The following RBAK variants were observed in gnomAD, a reference collection of about 807,000 sequenced individuals.
RBAK encodes RB-associated KRAB zinc finger protein.
A neutral mutation model predicts 65.8 loss-of-function variants in RBAK; 39 were observed. The observed-to-expected ratio is 0.59, with a 90% CI of 0.46 to 0.77. RBAK has a LOEUF of 0.77. RBAK is among the 30% of genes least tolerant of loss of function. RBAK has a pLI of 0.00. For synonymous variants in RBAK, 343 were observed against 289.7 expected, an observed-to-expected ratio of 1.18 and a Z score of -1.87; for missense variants, 884 against 855.1, an observed-to-expected ratio of 1.03 and a Z score of -0.42.
chr7:5,059,818 G>C (rs960763183), intron 4 of RBAK, among the ~76,000 whole-genome samples: 2 of 152,090 alleles, frequency 1.3e-5, no homozygotes, highest in South Asian at 4.1e-4. Flanking sequence ...TAAGCTCTAA[G>C]ATTGTGTGCT....
At chr7:5,053,401 T>G (rs949925343) in intron 2 of RBAK, among the ~76,000 whole-genome samples, 3 of 152,220 alleles carry the variant, frequency 2.0e-5, no homozygotes, top group Non-Finnish European at 4.4e-5. Context: ...CTTTCCCCCC[T>G]TATGTTGTAA....
At chr7:5,059,736 T>C (rs6959836) in intron 4 of RBAK, among the ~76,000 whole-genome samples, 20,390 of 152,164 alleles carry the variant, frequency 0.13, 1,757 homozygotes, top group African/African-American at 0.24. Context: ...AAGTTAGATA[T>C]GATTTTACAG....
At position 5,064,699 on chromosome 7, in the gene RBAK, A is replaced by G; in HGVS notation, c.1243A>G (p.Thr415Ala). ...ECGKSYYRKS[T>A]LITHQRTHTG... ...TGGGAAATCCTACTACCGAAAGTCT[A>G]CTCTGATTACACATCAGAGAACACA... Residue 415 changes from threonine (T) to alanine (A), a missense_variant, in exon 5 of 5, where the codon ACT becomes GCT. Coordinates refer to ENST00000396912, the MANE Select transcript of RBAK (RefSeq NM_021163.4). The surrounding 1 kb of genome is among the most constrained non-coding windows in gnomAD (Gnocchi z 6.3). 1 of 1,611,888 alleles carries G rather than the reference A, an allele frequency of 6.2e-7. No individual in the cohort carries two copies. Among genetic ancestry groups the G allele is most frequent in the South Asian group, 1.1e-5 (1 of 90,920 alleles).
chr7:5,057,407 A>G lies in RBAK; in HGVS notation c.128A>G (p.His43Arg), dbSNP rs749459191. The G allele has an allele frequency of 6.2e-7, 1 of 1,614,140 alleles. No homozygotes were observed. Among genetic ancestry groups the G allele is most frequent in the Non-Finnish European group, 8.5e-7 (1 of 1,180,022 alleles). ...YRDVMLENYS[H>R]LVSVGYDTTK... is the part of the protein sequence containing the mutation. ...GATGTGATGTTGGAGAACTATAGCC[A>G]TCTAGTTTCTGTGGGTGAGAATAGC... Residue 43 changes from histidine to arginine, a missense_variant, in exon 3 of 5, where the codon CAT becomes CGT. Physicochemically the swap from His to Arg is conservative, Grantham distance 29. Transcript: ENST00000396912.
chr7:5,050,799 C>G (rs1040468919), intron 2 of RBAK, among the ~76,000 whole-genome samples: 1 of 152,114 alleles, frequency 6.6e-6, no homozygotes, highest in African/African-American at 2.4e-5. Context: ...GTCTTGAACT[C>G]CTGGGCTCAA....
chr7:5,063,195 A>G (rs745510392), intron 4 of RBAK, among the ~76,000 whole-genome samples: 28 of 152,226 alleles, frequency 1.8e-4, no homozygotes, highest in Non-Finnish European at 3.8e-4. Context: ...TTGGGGAACT[A>G]ATAAATGTCC....
chr7:5,068,974 T>C lies in RBAK; in HGVS notation c.*3373T>C, dbSNP rs1779287626. On this transcript the variant is annotated 3_prime_UTR_variant, in exon 5 of 5. Transcript: ENST00000396912. ...ATAAATTATAAAGACGGGCAAAACTTGTATACGTGGTTTAAAATTAGGGTA... is the reference window on the plus strand; with the variant it reads ...ATAAATTATAAAGACGGGCAAAACTCGTATACGTGGTTTAAAATTAGGGTA... 2 of 152,168 alleles carry C rather than the reference T, an allele frequency of 1.3e-5. 1 individual carries two copies. Among genetic ancestry groups the C allele is most frequent in the Admixed American group, 1.3e-4 (2 of 15,274 alleles). 9.4% of individuals were successfully genotyped at this position (152,168 alleles called of 1,614,324 possible).
At chr7:5,050,268 G>A (rs546561607) in intron 2 of RBAK, among the ~76,000 whole-genome samples, 149 of 152,316 alleles carry the variant, frequency 9.8e-4, no homozygotes, top group African/African-American at 3.4e-3. Flanking sequence ...AAGAAACTGG[G>A]TTGGTTATCC....
In RBAK at chr7:5,064,564, G is replaced by A; in HGVS notation, c.1108G>A (p.Glu370Lys). The A allele has an allele frequency of 3.7e-6, 6 of 1,614,066 alleles. No homozygotes were observed. Among genetic ancestry groups the A allele is most frequent in the Non-Finnish European group, 5.1e-6 (6 of 1,179,960 alleles). Residue 370 changes from glutamate to lysine, a missense_variant, in exon 5 of 5, where the codon GAG (glutamate) becomes AAG (lysine). Glu to Lys is a moderately conservative substitution (Grantham distance 56). Transcript: ENST00000396912. The surrounding 1 kb of genome is among the most constrained non-coding windows in gnomAD (Gnocchi z 6.3). ...CCTGCACCAGAGGAATCATTCAGGA[G>A]AGAGGCCCTATCCATGTAACGAATG... Reference protein sequence around the residue: ...LTLHQRNHSGERPYPCNECGK... With the variant: ...LTLHQRNHSGKRPYPCNECGK...
chr7:5,057,406 C>T lies in RBAK; in HGVS notation c.127C>T (p.His43Tyr). 2 of 1,614,060 alleles carry T rather than the reference C, an allele frequency of 1.2e-6. No homozygotes were observed. The highest frequency in any genetic ancestry group is 1.7e-6 in the Non-Finnish European group (2 of 1,180,020). The change falls in exon 3 of 5, where the codon CAT (histidine) becomes TAT (tyrosine). Residue 43 changes from histidine (H) to tyrosine (Y), a missense_variant. Transcript: ENST00000396912. ...GGATGTGATGTTGGAGAACTATAGC[C>T]ATCTAGTTTCTGTGGGTGAGAATAG... ...YRDVMLENYS[H>Y]LVSVGYDTTK...
chr7:5,055,772 A>G (rs1055220338), intron 2 of RBAK, among the ~76,000 whole-genome samples: 2 of 151,558 alleles, frequency 1.3e-5, no homozygotes, highest in African/African-American at 4.9e-5. Context: ...AACTTAACCC[A>G]GAAGGTTATT....
chr7:5,057,271 A>G (rs371241553), intron 2 of RBAK, 24 bp from the exon 3 acceptor site: 43 of 1,613,906 alleles, frequency 2.7e-5, no homozygotes, highest in Non-Finnish European at 3.0e-5. Context: ...GTATCTCCCA[A>G]TTCTGATCAT....
rs1426382963 is a variant in RBAK at position 5,068,626 on chromosome 7, C to A, written c.*3025C>A. The A allele has an allele frequency of 1.3e-5, 2 of 152,200 alleles. 1 individual carries two copies. Among genetic ancestry groups the A allele is most frequent in the Admixed American group, 1.3e-4 (2 of 15,278 alleles). 9.4% of individuals were successfully genotyped at this position (152,200 alleles called of 1,614,324 possible). ...ACTGTACACTACTGGTGGAATTGCT[C>A]ATCGATAAAACCATTTTGAAAGCTG... On this transcript the variant is annotated 3_prime_UTR_variant, in exon 5 of 5. Coordinates refer to ENST00000396912, the MANE Select transcript of RBAK (RefSeq NM_021163.4).
chr7:5,066,392 A>G lies in RBAK; in HGVS notation c.*791A>G, dbSNP rs2115049292. 1 of 152,262 alleles carries G rather than the reference A, an allele frequency of 6.6e-6. No homozygotes were observed. The highest frequency in any genetic ancestry group is 2.1e-4 in the South Asian group (1 of 4,828). The allele number at this position is 152,262 out of a possible 1,614,324, so 9.4% of individuals were successfully genotyped here. Reference sequence around the variant, plus strand: ...GCATCTGAGTAAGATAAGATTTTCTAAAAGACTATTTTGATAAACTATACA... The same window carrying G: ...GCATCTGAGTAAGATAAGATTTTCTGAAAGACTATTTTGATAAACTATACA... On this transcript the variant is annotated 3_prime_UTR_variant, in exon 5 of 5. Transcript: ENST00000396912.
rs532271542 is a variant in RBAK, at chr7:5,067,440, T to C, written c.*1839T>C. ...CCTAGAGGGAGAAAATGAGTTAATA[T>C]GCTTTGAAGAACTGTATCCAGAAAA... On this transcript the variant is annotated 3_prime_UTR_variant, in exon 5 of 5. Coordinates refer to ENST00000396912, the MANE Select transcript of RBAK (RefSeq NM_021163.4). 10 of 152,274 alleles carry C rather than the reference T, an allele frequency of 6.6e-5. No homozygotes were observed. The highest frequency in any genetic ancestry group is 3.4e-3 in the Middle Eastern group (1 of 294). 9.4% of individuals were successfully genotyped at this position (152,274 alleles called of 1,614,324 possible).
In RBAK at chr7:5,045,875, T is replaced by G. The variant is rs1401034586; in HGVS notation, c.-566T>G. The G allele has an allele frequency of 5.9e-6, 2 of 341,870 alleles. No individual in the cohort carries two copies. Among genetic ancestry groups the G allele is most frequent in the Non-Finnish European group, 1.1e-5 (2 of 180,140 alleles). The allele number at this position is 341,870 out of a possible 1,614,324, so 21.2% of individuals were successfully genotyped here. ...CCGCCGCTGCACTGCCCTCGCTTCC[T>G]GTGCGTCCTCAGGTCACCGCTTGCT... On this transcript the variant is annotated 5_prime_UTR_variant, in exon 1 of 5. Transcript: ENST00000396912.
chr7:5,053,239 TTG>T (rs1182140078), intron 2 of RBAK, among the ~76,000 whole-genome samples: 3 of 152,228 alleles, frequency 2.0e-5, no homozygotes, highest in African/African-American at 7.2e-5. Flanking sequence ...AATGTCTTCA[TTG>T]TGTCTTAGCT....
Position 5,046,359 on chromosome 7 carries a change from CGGGA to C in RBAK, c.-80_-77del, listed in dbSNP as rs1418623872. 6 of 515,748 alleles carry C rather than the reference CGGGA, an allele frequency of 1.2e-5. No individual in the cohort carries two copies. Among genetic ancestry groups the C allele is most frequent in the African/African-American group, 1.2e-4 (6 of 51,874 alleles). The allele number at this position is 515,748 out of a possible 1,614,324, so 31.9% of individuals were successfully genotyped here. ...CGACAGCAGCCCCGCCCCGGCCTCT[CGGGA>C]GCCGTGGGGCAGAGGCTGCGGAGCC... is the stretch of plus-strand genomic sequence containing the variant. On this transcript the variant is annotated 5_prime_UTR_variant, in exon 1 of 5. Coordinates refer to ENST00000396912, the MANE Select transcript of RBAK (RefSeq NM_021163.4).
In RBAK at chr7:5,067,515, T is replaced by A. The variant is rs1316004404; in HGVS notation, c.*1914T>A. 1 of 152,144 alleles carries A rather than the reference T, an allele frequency of 6.6e-6. No homozygotes were observed. The highest frequency in any genetic ancestry group is 1.5e-5 in the Non-Finnish European group (1 of 67,980). 9.4% of individuals were successfully genotyped at this position (152,144 alleles called of 1,614,324 possible). ...TAGGATTCCAGGACAATCTCAAAAC[T>A]ATTGCTTTTTCCTAAATTCATTGCA... On this transcript the variant is annotated 3_prime_UTR_variant, in exon 5 of 5. Coordinates refer to ENST00000396912, the MANE Select transcript of RBAK (RefSeq NM_021163.4).
Sources: gnomAD v4.1 joint callset for allele counts (sites outside exome capture counted in the v4.1 genomes callset) on GRCh38, gnomAD v4.1.1 for gene constraint, Gnocchi (gnomAD v3.1) non-coding constraint, MANE v1.5 for transcripts, NCBI Gene and HGNC (gene_info 2026-07-23, HGNC 2026-07-21) for gene names.